Variants in NAALADL2 observed in about 807,000 individuals in gnomAD.
The protein encoded by NAALADL2 is N-acetylated alpha-linked acidic dipeptidase like 2.
Under a neutral mutation model 87.2 loss-of-function variants are expected in NAALADL2, and 76 were observed. That is an observed-to-expected ratio of 0.87 (90% CI 0.72 to 1.05). The LOEUF (loss-of-function observed/expected upper bound fraction) is 1.05. NAALADL2 is among the 50% of genes least tolerant of loss of function. The pLI, the probability that NAALADL2 is intolerant of heterozygous loss-of-function variation, is 0.00. For synonymous variants in NAALADL2, 354 were observed against 331.0 expected, an observed-to-expected ratio of 1.07 and a Z score of -0.75; for missense variants, 1,089 against 945.8, an observed-to-expected ratio of 1.15 and a Z score of -1.99.
intron 1 of NAALADL2, among the ~76,000 whole-genome samples, chr3:175,046,586 G>T (rs1754698465): frequency 6.6e-6 from 1 of 152,244 alleles, no homozygotes; most frequent in Non-Finnish European, 1.5e-5. Flanking sequence ...GGATAATGAA[G>T]TAAAGACCTC....
chr3:175,212,761 A>G (rs1741947148), intron 2 of NAALADL2, among the ~76,000 whole-genome samples: 1 of 152,184 alleles, frequency 6.6e-6, no homozygotes, highest in African/African-American at 2.4e-5. Context: ...TCTAAAATAA[A>G]TGTAAAAGCC....
rs150539465 is a variant in NAALADL2 at position 174,552,201 on chromosome 3, G to A, written c.-115+1564G>A. ...TCGTTGGAACACTTTCAAATATAAC[G>A]TATATAATCTTTCCGAAAGCTCAGA... On this transcript the variant is annotated intron_variant, in intron 2 of 3. Coordinates refer to the NAALADL2 transcript ENST00000434257. Among the ~76,000 whole-genome samples, 97 of 152,092 alleles carry A rather than the reference G, an allele frequency of 6.4e-4. No homozygotes were observed. The East Asian group carries it at 0.011, about 17-fold the overall frequency.
At chr3:175,278,166 T>C (rs1753847897) in intron 4 of NAALADL2, among the ~76,000 whole-genome samples, 1 of 151,028 alleles carries the variant, frequency 6.6e-6, no homozygotes, top group South Asian at 2.1e-4. Context: ...TTGTGTGATA[T>C]TATTTGGTAT....
At chr3:174,600,445 A>T (rs1223483770) in intron 2 of NAALADL2, among the ~76,000 whole-genome samples, 1 of 152,132 alleles carries the variant, frequency 6.6e-6, no homozygotes, top group African/African-American at 2.4e-5. Context: ...TTTCAGATAT[A>T]TATATTGATT....
At chr3:175,555,380 C>T (rs1454029003) in intron 9 of NAALADL2, among the ~76,000 whole-genome samples, 1 of 152,084 alleles carries the variant, frequency 6.6e-6, no homozygotes, top group East Asian at 1.9e-4. Context: ...ATTTACTAAC[C>T]TCTTTGCTAT....
intron 9 of NAALADL2, among the ~76,000 whole-genome samples, chr3:175,493,312 C>T (rs58103537): frequency 0.07 from 10,619 of 152,054 alleles, 435 homozygotes; most frequent in South Asian, 0.15. Flanking sequence ...AGCAACCTCG[C>T]GTTTGTATAA....
rs1491546516 is a variant in NAALADL2, at chr3:175,495,093, T to TATA, written c.1653+23335_1653+23336insATA. On this transcript the variant is annotated intron_variant, in intron 9 of 13. Coordinates refer to ENST00000454872, the MANE Select transcript of NAALADL2 (RefSeq NM_207015.3). ...AATCCCATATATATATATATATATA[T>TATA]TTTTTTTTAATTTTAGATTATTTCT... Among the ~76,000 whole-genome samples the TATA allele has an allele frequency of 1.2e-4, 14 of 116,724 alleles. No homozygotes were observed. The South Asian group carries it at 3.0e-3, about 25-fold the overall frequency. 76.6% of individuals were successfully genotyped at this position (116,724 alleles called of 152,430 possible).
chr3:175,277,575 C>A (rs1753761666), intron 4 of NAALADL2, among the ~76,000 whole-genome samples: 1 of 152,080 alleles, frequency 6.6e-6, no homozygotes, highest in Non-Finnish European at 1.5e-5. Context: ...AACCTTCATC[C>A]AACAACCAAA....
intron 2 of NAALADL2, among the ~76,000 whole-genome samples, chr3:174,626,833 C>G (rs375874231): frequency 6.6e-6 from 1 of 151,844 alleles, no homozygotes; most frequent in African/African-American, 2.4e-5. Context: ...TTCTTAATAC[C>G]AATTTTAGAA....
At chr3:174,441,545 C>G (rs1168393021) in intron 1 of NAALADL2, among the ~76,000 whole-genome samples, 2 of 152,162 alleles carry the variant, frequency 1.3e-5, no homozygotes, top group Non-Finnish European at 2.9e-5. Flanking sequence ...CGTGGAATGC[C>G]GCTCCAGTGG....
At position 175,590,289 on chromosome 3, in the gene NAALADL2, A is replaced by AT. The variant is rs970949976; in HGVS notation, c.1800+14110dup. 4.1e-5 allele frequency among the ~76,000 whole-genome samples: 6 copies of AT among 145,522 alleles called. 1 individual carries two copies. Among genetic ancestry groups the AT allele is most frequent in the South Asian group, 4.4e-4 (2 of 4,558 alleles). On this transcript the variant is annotated intron_variant, in intron 10 of 13. Coordinates refer to ENST00000454872, the MANE Select transcript of NAALADL2 (RefSeq NM_207015.3). ...ATATACCAATTATTTGTTTCAATTG[A>AT]TTTTTTTTGTATATTAACATAATCA...
Position 174,953,599 on chromosome 3 carries a change from G to GT in NAALADL2, c.43+94149_43+94150insT, listed in dbSNP as rs550176057. Among the ~76,000 whole-genome samples, 31 of 151,906 alleles carry GT rather than the reference G, an allele frequency of 2.0e-4. No individual in the cohort carries two copies. In the South Asian group the frequency reaches 6.2e-3, roughly 31 times the overall value. ...TAAATTTGGCTGGGTAGGTAGAGTG[G>GT]GAGGATGCAGCCATGAATATATACA... On this transcript the variant is annotated intron_variant, in intron 1 of 13. Transcript: ENST00000454872.
At chr3:175,747,821 C>A (rs1444546218) in intron 12 of NAALADL2, among the ~76,000 whole-genome samples, 1 of 152,130 alleles carries the variant, frequency 6.6e-6, no homozygotes, top group East Asian at 1.9e-4. Context: ...CCAGATCATG[C>A]AGTCACAAAC....
intron 1 of NAALADL2, among the ~76,000 whole-genome samples, chr3:174,534,289 A>G (rs1721517521): frequency 6.6e-6 from 1 of 150,970 alleles, no homozygotes; most frequent in South Asian, 2.1e-4. Flanking sequence ...ATTTCACAAT[A>G]TAAACAAAAA....
chr3:175,552,202 A>T (rs1291516901), intron 9 of NAALADL2, among the ~76,000 whole-genome samples: 1 of 152,134 alleles, frequency 6.6e-6, no homozygotes, highest in South Asian at 2.1e-4. Flanking sequence ...TAAAGAAAAT[A>T]TTTGTTAAGT....
intron 1 of NAALADL2, among the ~76,000 whole-genome samples, chr3:174,443,976 A>G (rs1714857538): frequency 6.6e-6 from 1 of 152,052 alleles, no homozygotes; most frequent in African/African-American, 2.4e-5. Flanking sequence ...AAGACATTGA[A>G]GAAGGTGATG....
At chr3:174,846,190 T>C (rs1724597269) in intron 3 of NAALADL2, among the ~76,000 whole-genome samples, 1 of 152,192 alleles carries the variant, frequency 6.6e-6, no homozygotes, top group Non-Finnish European at 1.5e-5. Context: ...TTGACTCCAA[T>C]CTGATCCCTG....
rs944582801 is a variant in NAALADL2, at chr3:174,575,131, T to A, written c.-115+24494T>A. On this transcript the variant is annotated intron_variant, in intron 2 of 3. Coordinates refer to the NAALADL2 transcript ENST00000434257. The stretch of plus-strand genomic sequence containing the variant: ...GATTGTACCATTTTGGTTAATTTTT[T>A]AAAAAAAATTTAAATAATTTGGTAT... Among the ~76,000 whole-genome samples the A allele has an allele frequency of 9.2e-5, 14 of 152,090 alleles. No homozygotes were observed. In the South Asian group the frequency reaches 1.7e-3, roughly 18 times the overall value.
intron 9 of NAALADL2, among the ~76,000 whole-genome samples, chr3:175,574,779 G>T (rs1718615887): frequency 6.6e-6 from 1 of 152,232 alleles, no homozygotes; most frequent in Middle Eastern, 3.4e-3. Flanking sequence ...ATATTTAAAA[G>T]TATTTTTGAA....
Sources: gnomAD v4.1 joint callset for allele counts (sites outside exome capture counted in the v4.1 genomes callset) on GRCh38, gnomAD v4.1.1 for gene constraint, MANE v1.5 for transcripts, NCBI Gene and HGNC (gene_info 2026-07-23, HGNC 2026-07-21) for gene names.